The following LRRC37A2 variants were observed in gnomAD, a reference collection of about 807,000 sequenced individuals.
LRRC37A2 encodes the protein leucine-rich repeat-containing protein 37A2.
A neutral mutation model predicts 68.8 loss-of-function variants in LRRC37A2; 9 were observed. The ratio of observed to expected loss-of-function variants is 0.13; its 90% CI spans 0.08 to 0.23. The LOEUF is 0.23. LRRC37A2 is among the 10% of genes least tolerant of loss of function. The pLI is 1.00. For synonymous variants in LRRC37A2, 63 were observed against 367.6 expected, an observed-to-expected ratio of 0.17 and a Z score of 9.48; for missense variants, 168 against 950.4, an observed-to-expected ratio of 0.18 and a Z score of 10.82.
At chr17:46,708,867 C>T in the LRRC37A2 span, among the ~76,000 whole-genome samples, 1 of 133,238 alleles carries the variant, frequency 7.5e-6, no homozygotes, top group Non-Finnish European at 1.5e-5. Context: ...GCTCTGTTGC[C>T]AGGCTGGAGT....
At chr17:46,921,548 C>T in the LRRC37A2 span, among the ~76,000 whole-genome samples, 1 of 152,114 alleles carries the variant, frequency 6.6e-6, no homozygotes, top group East Asian at 1.9e-4. Flanking sequence ...AACAGGCAAC[C>T]TACAGAATGG....
At chr17:46,717,565 G>A in the LRRC37A2 span, among the ~76,000 whole-genome samples, 1 of 152,176 alleles carries the variant, frequency 6.6e-6, no homozygotes, top group South Asian at 2.1e-4. Context: ...ACAAAAATTA[G>A]CCAGGCATGA....
At chr17:47,038,976 G>A in the LRRC37A2 span, among the ~76,000 whole-genome samples, 2 of 145,166 alleles carry the variant, frequency 1.4e-5, no homozygotes, top group African/African-American at 4.9e-5. Flanking sequence ...TTACAGGCCT[G>A]AGCCACTGCG....
chr17:46,935,747 C>T, the LRRC37A2 span: 3 of 987,644 alleles, frequency 3.0e-6, no homozygotes, highest in Non-Finnish European at 3.6e-6. Flanking sequence ...TTCCTAGAAG[C>T]CCTGACCAGT....
chr17:46,675,610 A>G, the LRRC37A2 span, among the ~76,000 whole-genome samples: 1 of 132,616 alleles, frequency 7.5e-6, no homozygotes, highest in Non-Finnish European at 1.5e-5. Context: ...GCATACATAC[A>G]TATTCATAGA....
the LRRC37A2 span, among the ~76,000 whole-genome samples, chr17:46,883,862 G>T: frequency 1.2e-3 from 182 of 152,216 alleles, no homozygotes; most frequent in African/African-American, 4.2e-3. Flanking sequence ...TGCCTCTCAC[G>T]CGTCTTATCC....
At chr17:46,389,185 A>G in the LRRC37A2 span, among the ~76,000 whole-genome samples, 2 of 151,534 alleles carry the variant, frequency 1.3e-5, no homozygotes, top group African/African-American at 2.4e-5. Flanking sequence ...ACAGGGTGAG[A>G]CTCTGTTTCA....
chr17:46,769,942 C>A, the LRRC37A2 span: 1 of 1,613,206 alleles, frequency 6.2e-7, no homozygotes, highest in East Asian at 2.2e-5. Flanking sequence ...CCTTATGATG[C>A]GAGTCACAGC....
chr17:46,965,631 C>CTTTGTTCT, the LRRC37A2 span, among the ~76,000 whole-genome samples: 1 of 44,778 alleles, frequency 2.2e-5, no homozygotes, highest in Non-Finnish European at 5.7e-5. Context: ...CCTTCTCTTT[C>CTTTGTTCT]TTTTTTTTCT....
chr17:46,870,904 CTTT>C, the LRRC37A2 span, among the ~76,000 whole-genome samples: 5 of 78,394 alleles, frequency 6.4e-5, no homozygotes, highest in Non-Finnish European at 7.1e-5. Context: ...TCCACCTTTG[CTTT>C]TTTTTTTTTT....
chr17:46,501,217 C>T, the LRRC37A2 span, among the ~76,000 whole-genome samples: 1 of 151,268 alleles, frequency 6.6e-6, no homozygotes, highest in East Asian at 1.9e-4. Context: ...TCTCTGTTGC[C>T]TAGGCTGGAG....
chr17:47,035,325 T>C, the LRRC37A2 span, among the ~76,000 whole-genome samples: 1 of 152,248 alleles, frequency 6.6e-6, no homozygotes. Flanking sequence ...CACTCCCCAG[T>C]GCTGTCTTCC....
the LRRC37A2 span, among the ~76,000 whole-genome samples, chr17:46,903,513 A>T: frequency 5.3e-5 from 8 of 152,122 alleles, no homozygotes; most frequent in Non-Finnish European, 8.8e-5. Context: ...CTTATGTGAA[A>T]TAAATTTTCC....
chr17:46,786,227 G>A, the LRRC37A2 span, among the ~76,000 whole-genome samples: 8 of 152,116 alleles, frequency 5.3e-5, no homozygotes, highest in Non-Finnish European at 1.0e-4. Flanking sequence ...GGAGGGAAGA[G>A]GGGACAAGAG....
the LRRC37A2 span, among the ~76,000 whole-genome samples, chr17:46,824,716 C>T: frequency 2.0e-5 from 3 of 152,208 alleles, no homozygotes; most frequent in Admixed American, 6.5e-5. Flanking sequence ...GATGATGGGC[C>T]CAGAGGAGAG....
chr17:46,786,434 GC>G, the LRRC37A2 span, among the ~76,000 whole-genome samples: 1 of 152,236 alleles, frequency 6.6e-6, no homozygotes, highest in Non-Finnish European at 1.5e-5. Flanking sequence ...AAGGGCCTAG[GC>G]CCAGAGGGGT....
At chr17:46,744,847 A>G in the LRRC37A2 span, among the ~76,000 whole-genome samples, 17 of 152,180 alleles carry the variant, frequency 1.1e-4, no homozygotes, top group Non-Finnish European at 2.4e-4. Context: ...AAATGTTTTC[A>G]CCTGAGTTGC....
chr17:46,966,619 G>C, the LRRC37A2 span: 5 of 678,874 alleles, frequency 7.4e-6, no homozygotes, highest in Non-Finnish European at 1.1e-5. Flanking sequence ...GAAGTGCTGG[G>C]ATTATAGGTA....
the LRRC37A2 span, among the ~76,000 whole-genome samples, chr17:46,761,110 G>C: frequency 6.6e-6 from 1 of 152,214 alleles, no homozygotes; most frequent in African/African-American, 2.4e-5. Flanking sequence ...AAGATGTAGA[G>C]GAGATCTGTA....
Sources: gnomAD v4.1 joint callset for allele counts (sites outside exome capture counted in the v4.1 genomes callset) on GRCh38, gnomAD v4.1.1 for gene constraint, MANE v1.5 for transcripts, NCBI Gene and HGNC (gene_info 2026-07-23, HGNC 2026-07-21) for gene names.